UTP20: variants seen among roughly 807,000 people sequenced by gnomAD.
UTP20 encodes the protein small subunit processome component 20 homolog.
A neutral mutation model predicts 329.5 loss-of-function variants in UTP20; 164 were observed. That is an observed-to-expected ratio of 0.50 (90% confidence interval 0.44 to 0.57). UTP20 has a LOEUF of 0.57. Among genes scored for constraint, UTP20 ranks in the 20% least tolerant of loss-of-function variants. The probability of loss-of-function intolerance (pLI) is 0.00; values close to 1 mark genes in which losing one functional copy is unlikely to be tolerated. For missense variants in UTP20, 3,055 were observed against 3,284.2 expected (o/e 0.93, Z 1.71); for synonymous variants, 1,151 against 1,159.3 (o/e 0.99, Z 0.14).
chr12:101,362,328 G>A (rs917675249), intron 44 of UTP20, among the ~76,000 whole-genome samples: 1 of 152,134 alleles, frequency 6.6e-6, no homozygotes, highest in African/African-American at 2.4e-5. Flanking sequence ...AAGATTTTCA[G>A]TCACATCTAA....
intron 21 of UTP20, among the ~76,000 whole-genome samples, chr12:101,312,841 T>G (rs1872839688): frequency 6.6e-6 from 1 of 152,232 alleles, no homozygotes; most frequent in Non-Finnish European, 1.5e-5. Flanking sequence ...AGTTCACCAT[T>G]TGATTTTGAT....
intron 54 of UTP20, 146 bp downstream of exon 54, chr12:101,373,913 TAA>T (rs1870383493): frequency 9.7e-7 from 1 of 1,030,596 alleles, no homozygotes; most frequent in Non-Finnish European, 1.4e-6. Context: ...AGTATATTCT[TAA>T]AGTTTTCCAA....
At chr12:101,292,176 A>G (rs1017004651) in intron 10 of UTP20, 72 bp downstream of exon 10, 4 of 1,503,364 alleles carry the variant, frequency 2.7e-6, no homozygotes, top group Non-Finnish European at 3.6e-6. Context: ...TCTGAGGAAT[A>G]CAAGTGAAGT....
intron 36 of UTP20, 125 bp downstream of exon 36, chr12:101,344,875 G>C: frequency 2.2e-6 from 1 of 464,784 alleles, no homozygotes; most frequent in Non-Finnish European, 3.5e-6. Context: ...ACTTGGTTGA[G>C]TAAATAGTCA....
chr12:101,318,831 GAA>G (rs35483128), intron 22 of UTP20, among the ~76,000 whole-genome samples: 41 of 97,648 alleles, frequency 4.2e-4, no homozygotes, highest in African/African-American at 8.4e-4. Context: ...ACTCCATCTT[GAA>G]AAAAAAAAAA....
chr12:101,308,547 C>T (rs543557018), intron 18 of UTP20, among the ~76,000 whole-genome samples: 2 of 152,126 alleles, frequency 1.3e-5, no homozygotes, highest in Admixed American at 6.5e-5. Flanking sequence ...TTAGTATTCT[C>T]TGTTTCAGGC....
chr12:101,356,794 T>C, intron 42 of UTP20, 101 bp downstream of exon 42: 1 of 1,498,392 alleles, frequency 6.7e-7, no homozygotes, highest in Non-Finnish European at 9.0e-7. Flanking sequence ...AAAAGTACTG[T>C]CATAACTTGC....
chr12:101,318,530 A>G (rs1464546496), intron 22 of UTP20, among the ~76,000 whole-genome samples: 2 of 152,176 alleles, frequency 1.3e-5, no homozygotes, highest in Non-Finnish European at 2.9e-5. Context: ...TAAAGAAGTT[A>G]TTGGAGCACA....
chr12:101,367,896 T>G lies in UTP20; in HGVS notation c.6304T>G (p.Ser2102Ala). The G allele has an allele frequency of 6.2e-7, 1 of 1,613,876 alleles. No individual in the cohort carries two copies. Among genetic ancestry groups the G allele is most frequent in the Non-Finnish European group, 8.5e-7 (1 of 1,179,800 alleles). The change falls in exon 48 of 62, where the codon TCT (serine) becomes GCT (alanine). Residue 2102 changes from serine (S) to alanine (A), a missense_variant. By Grantham distance (99) the Ser-to-Ala change is moderately conservative. Coordinates refer to ENST00000261637, the MANE Select transcript of UTP20 (RefSeq NM_014503.3). ...HLSLKTSKIK[S>A]SGECVLEMLD... The stretch of plus-strand genomic sequence containing the variant: ...GAGTCTGAAGACTTCCAAGATCAAG[T>G]CTTCAGGTGAATGTGTCCTGGAAAT...
At chr12:101,312,372 T>C in intron 21 of UTP20, 96 bp downstream of exon 21, 1 of 1,494,718 alleles carries the variant, frequency 6.7e-7, no homozygotes, top group Non-Finnish European at 8.9e-7. Context: ...TCTTTGTTTT[T>C]TGCCTTCTTT....
chr12:101,366,976 A>G (rs913109584), intron 47 of UTP20, among the ~76,000 whole-genome samples: 2 of 151,868 alleles, frequency 1.3e-5, no homozygotes, highest in African/African-American at 4.8e-5. Flanking sequence ...ACTACTTTGA[A>G]TTTTTTTAAG....
At chr12:101,333,471 A>T in intron 28 of UTP20, 27 bp downstream of exon 28, 1 of 1,607,622 alleles carries the variant, frequency 6.2e-7, no homozygotes, top group Non-Finnish European at 8.5e-7. Flanking sequence ...ACATCTGCCT[A>T]TGTACGTTCT....
At chr12:101,377,747 G>T (rs753108735) in intron 56 of UTP20, among the ~76,000 whole-genome samples, 3 of 152,140 alleles carry the variant, frequency 2.0e-5, no homozygotes, top group Non-Finnish European at 4.4e-5. Context: ...CAAGGCCAAG[G>T]TTTCTTCAAA....
In UTP20 at chr12:101,299,847, T is replaced by C; in HGVS notation, c.1586+10T>C. 6.2e-7 allele frequency: 1 copy of C among 1,602,098 alleles called. No homozygotes were observed. The highest frequency in any genetic ancestry group is 8.5e-7 in the Non-Finnish European group (1 of 1,175,956). On this transcript the variant is annotated intron_variant, in intron 13 of 61. Transcript: ENST00000261637. ...TGTTACCTCATATTAGGTAAGAAAA[T>C]AAGCTATGTTTAATTTTGAAAGAGA...
intron 38 of UTP20, among the ~76,000 whole-genome samples, chr12:101,350,922 G>C (rs959646898): frequency 6.6e-6 from 1 of 152,114 alleles, no homozygotes; most frequent in African/African-American, 2.4e-5. Context: ...GTGGACTCTA[G>C]CTACCGTAGC....
chr12:101,311,603 A>T (rs1872791529), intron 19 of UTP20, 116 bp from the exon 20 acceptor site: 1 of 895,384 alleles, frequency 1.1e-6, no homozygotes, highest in African/African-American at 1.7e-5. Context: ...CTCCACATTG[A>T]GGGATAACCT....
intron 10 of UTP20, among the ~76,000 whole-genome samples, chr12:101,292,918 A>G (rs12371294): frequency 0.14 from 20,956 of 152,284 alleles, 1,815 homozygotes; most frequent in Middle Eastern, 0.26. Flanking sequence ...TTGAGGGAAG[A>G]TATACAATCA....
At chr12:101,317,730 C>A in intron 22 of UTP20, 67 bp downstream of exon 22, 1 of 1,441,930 alleles carries the variant, frequency 6.9e-7, no homozygotes, top group East Asian at 2.5e-5. Context: ...AGGTCTCTTA[C>A]GGCTTTATAC....
chr12:101,376,250 A>T (rs1870467464), intron 56 of UTP20, among the ~76,000 whole-genome samples: 3 of 152,244 alleles, frequency 2.0e-5, no homozygotes, highest in Non-Finnish European at 4.4e-5. Flanking sequence ...GACACCTAGT[A>T]GATATCCTTT....
Sources: allele counts gnomAD v4.1 joint callset (sites outside exome capture counted in the v4.1 genomes callset), GRCh38; gene constraint gnomAD v4.1.1; transcripts MANE v1.5; gene names NCBI Gene and HGNC (gene_info 2026-07-23, HGNC 2026-07-21).